Variants in ZNF540 observed in about 807,000 individuals in gnomAD.
ZNF540 encodes zinc finger protein 540, also known as CTD-3064H18.6.
In ZNF540, 3 loss-of-function variants were observed where a neutral mutation model predicts 11.8. That is an observed-to-expected ratio of 0.25 (90% CI 0.12 to 0.65). ZNF540 has a LOEUF of 0.65. Ranked by LOEUF, ZNF540 falls within the 30% of genes least tolerant of loss-of-function variation. The pLI, the probability that ZNF540 is intolerant of heterozygous loss-of-function variation, is 0.83. For missense variants in ZNF540, 709 were observed against 793.1 expected, an observed-to-expected ratio of 0.89 and a Z score of 1.27; for synonymous variants, 247 against 259.0, an observed-to-expected ratio of 0.95 and a Z score of 0.45.
rs1182171004 is a variant in ZNF540 at position 37,612,710 on chromosome 19, G to A, written c.1430G>A (p.Arg477Gln). The change falls in exon 5 of 5, where the codon CGA (arginine) becomes CAA (glutamine). Residue 477 changes from arginine (R) to glutamine (Q), a missense_variant. Arg to Gln is a conservative substitution (Grantham distance 43). Transcript: ENST00000316433. ...YECKECGKTFRVRSQISLHKK... is the reference protein window; with the variant it reads ...YECKECGKTFQVRSQISLHKK... ...TGTAAGGAATGTGGGAAGACCTTTC[G>A]AGTTCGTTCTCAAATTAGTCTACAT... 2.5e-6 allele frequency: 4 copies of A among 1,614,050 alleles called. No individual in the cohort carries two copies. Among genetic ancestry groups the A allele is most frequent in the East Asian group, 2.2e-5 (1 of 44,880 alleles).
intron 1 of ZNF540, chr19:37,555,613 T>C: frequency 5.0e-6 from 2 of 396,260 alleles, no homozygotes; most frequent in South Asian, 7.1e-5. Context: ...CTTTTATGAC[T>C]AAGAATGGTG....
intron 1 of ZNF540, among the ~76,000 whole-genome samples, chr19:37,588,955 T>C (rs970087361): frequency 1.2e-4 from 18 of 152,196 alleles, no homozygotes; most frequent in Admixed American, 1.1e-3. Context: ...ATCCCAGCAC[T>C]TTGGGAGGCT....
chr19:37,561,472 A>G (rs2042717029), intron 1 of ZNF540, among the ~76,000 whole-genome samples: 1 of 152,252 alleles, frequency 6.6e-6, no homozygotes, highest in African/African-American at 2.4e-5. Flanking sequence ...CAAAGATATT[A>G]ATAAGCATAC....
At chr19:37,598,322 T>C (rs950721245) in intron 1 of ZNF540, 54 bp from the exon 2 acceptor site, 7 of 879,390 alleles carry the variant, frequency 8.0e-6, no homozygotes, top group African/African-American at 1.7e-5. Context: ...ATCATATTGT[T>C]ACCTCTGAGG....
intron 4 of ZNF540, among the ~76,000 whole-genome samples, chr19:37,609,500 G>T (rs2044111321): frequency 2.0e-5 from 3 of 151,876 alleles, no homozygotes; most frequent in Admixed American, 6.6e-5. Context: ...AGCCAAGATG[G>T]TGCCACTGTA....
intron 2 of ZNF540, 57 bp from the exon 3 acceptor site, chr19:37,599,569 C>A: frequency 1.2e-6 from 2 of 1,609,338 alleles, no homozygotes; most frequent in Non-Finnish European, 1.7e-6. Context: ...TCCTTTTCTT[C>A]TTTTTAAAAT....
chr19:37,595,672 G>A (rs2147222520), intron 1 of ZNF540, among the ~76,000 whole-genome samples: 1 of 152,250 alleles, frequency 6.6e-6, no homozygotes, highest in South Asian at 2.1e-4. Flanking sequence ...GTCGTGTAAC[G>A]CTTTGGAACA....
intron 4 of ZNF540, among the ~76,000 whole-genome samples, chr19:37,602,520 C>T (rs539403761): frequency 6.6e-6 from 1 of 152,096 alleles, no homozygotes; most frequent in African/African-American, 2.4e-5. Context: ...TCATATGGCT[C>T]GCAGTGCATA....
intron 1 of ZNF540, among the ~76,000 whole-genome samples, chr19:37,576,371 T>C (rs1179841847): frequency 6.6e-6 from 1 of 152,188 alleles, no homozygotes; most frequent in African/African-American, 2.4e-5. Context: ...CACTTGCAAC[T>C]ATCTGCATTC....
intron 1 of ZNF540, chr19:37,585,143 C>T (rs2043625182): frequency 6.6e-6 from 1 of 152,162 alleles, no homozygotes; most frequent in Non-Finnish European, 1.5e-5. Context: ...TGAACTGGTA[C>T]ATTCCGGGAA....
At chr19:37,575,915 C>A (rs1283463896) in intron 1 of ZNF540, 3 of 152,160 alleles carry the variant, frequency 2.0e-5, no homozygotes, top group Non-Finnish European at 4.4e-5. Context: ...CATATACACA[C>A]AATTTCCGTT....
upstream of ZNF540, among the ~76,000 whole-genome samples, chr19:37,590,940 T>C (rs2043851933): frequency 6.6e-6 from 1 of 152,216 alleles, no homozygotes; most frequent in Non-Finnish European, 1.5e-5. Context: ...AACAATTATA[T>C]TTTAGAATAA....
At position 37,599,691 on chromosome 19, in the gene ZNF540, T is replaced by C. The variant is rs763362736; in HGVS notation, c.75T>C (p.Thr25=). ...FSQKEWECLD[T]TQRKLYRDVM... The stretch of plus-strand genomic sequence containing the variant: ...AGAAGGAATGGGAGTGCCTGGACAC[T>C]ACCCAGAGGAAATTGTACAGAGATG... Residue 25 remains threonine, a synonymous_variant, in exon 3 of 5, where the codon ACT becomes ACC. Coordinates refer to ENST00000316433, the MANE Select transcript of ZNF540 (RefSeq NM_001172225.3). The C allele has an allele frequency of 2.5e-6, 4 of 1,613,724 alleles. 1 individual carries two copies.
intron 1 of ZNF540, chr19:37,564,708 TAAGTTCTGAGCCACG>T: frequency 6.2e-7 from 1 of 1,613,602 alleles, no homozygotes; most frequent in South Asian, 1.1e-5. Context: ...TGATGCAGAG[TAAGTTCTGAGCCACG>T]ACTAAAGGCC....
intron 1 of ZNF540, chr19:37,555,758 A>G (rs1023574458): frequency 3.7e-5 from 23 of 618,668 alleles, no homozygotes; most frequent in South Asian, 1.7e-4. Context: ...CCCAACATCA[A>G]ATCCTGGGAT....
intron 1 of ZNF540, among the ~76,000 whole-genome samples, chr19:37,579,411 A>C (rs1600505977): frequency 6.6e-6 from 1 of 152,196 alleles, no homozygotes. Context: ...CCATTCACAC[A>C]GGCCCTGTGG....
intron 4 of ZNF540, among the ~76,000 whole-genome samples, chr19:37,605,466 G>C (rs1600561449): frequency 6.6e-6 from 1 of 152,134 alleles, no homozygotes; most frequent in African/African-American, 2.4e-5. Context: ...TGACCAACAT[G>C]GTGAAACCCC....
chr19:37,561,385 C>T (rs2042716154), intron 1 of ZNF540, among the ~76,000 whole-genome samples: 1 of 152,162 alleles, frequency 6.6e-6, no homozygotes, highest in Non-Finnish European at 1.5e-5. Context: ...ATTTAAATAA[C>T]TGACATAATG....
At chr19:37,580,785 C>T (rs2147189859) in intron 1 of ZNF540, among the ~76,000 whole-genome samples, 1 of 152,330 alleles carries the variant, frequency 6.6e-6, no homozygotes, top group Non-Finnish European at 1.5e-5. Context: ...ATGGAAGCAG[C>T]CTGAGGTCCT....
Sources: gnomAD v4.1 joint callset for allele counts (sites outside exome capture counted in the v4.1 genomes callset) on GRCh38, gnomAD v4.1.1 for gene constraint, MANE v1.5 for transcripts, NCBI Gene and HGNC (gene_info 2026-07-23, HGNC 2026-07-21) for gene names.